HDAC9: variants seen among roughly 807,000 people sequenced by gnomAD.
HDAC9 encodes the protein MEF-2 interacting transcription repressor (MITR) protein.
A neutral mutation model predicts 139.4 loss-of-function variants in HDAC9; 41 were observed. The observed-to-expected ratio is 0.29, with a 90% CI of 0.23 to 0.38. HDAC9 has a LOEUF of 0.38. Among genes scored for constraint, HDAC9 ranks in the 10% least tolerant of loss-of-function variants. HDAC9 has a pLI of 1.00. For synonymous variants in HDAC9, 517 were observed against 476.2 expected, an observed-to-expected ratio of 1.09 and a Z score of -1.12; for missense variants, 1,147 against 1,297.0, an observed-to-expected ratio of 0.88 and a Z score of 1.78.
chr7:18,379,008 A>G (rs1308873177), intron 1 of HDAC9, among the ~76,000 whole-genome samples: 2 of 152,172 alleles, frequency 1.3e-5, no homozygotes, highest in East Asian at 1.9e-4. Flanking sequence ...GAAGATTTAT[A>G]CCTAAAAAAA....
At chr7:18,180,943 A>T (rs1789372880) in intron 2 of HDAC9, among the ~76,000 whole-genome samples, 2 of 151,746 alleles carry the variant, frequency 1.3e-5, no homozygotes, top group Non-Finnish European at 2.9e-5. Flanking sequence ...TGACTGTATC[A>T]CTCCAGTCTT....
At chr7:18,928,384 T>C (rs1804422534) in intron 22 of HDAC9, among the ~76,000 whole-genome samples, 1 of 152,250 alleles carries the variant, frequency 6.6e-6, no homozygotes. Context: ...GTTCTCCTTT[T>C]GGCTTTATGT....
At chr7:18,933,251 C>G (rs982212937) in intron 22 of HDAC9, among the ~76,000 whole-genome samples, 37 of 152,096 alleles carry the variant, frequency 2.4e-4, no homozygotes, top group African/African-American at 7.7e-4. Context: ...TAAAGACTGC[C>G]AAGTAAAGAC....
chr7:18,189,290 C>T (rs140284355), intron 2 of HDAC9, among the ~76,000 whole-genome samples: 171 of 147,152 alleles, frequency 1.2e-3, no homozygotes, highest in Non-Finnish European at 4.6e-4. Context: ...AGGAGTTGAA[C>T]ATTGAGAACA....
chr7:18,629,534 A>AG, intron 7 of HDAC9, 53 bp downstream of exon 7: 1 of 1,507,656 alleles, frequency 6.6e-7, no homozygotes, highest in Non-Finnish European at 9.0e-7. Context: ...ATGAAAAAAA[A>AG]ATAGTTTAGA....
At chr7:18,875,186 T>C (rs961034967) in intron 22 of HDAC9, among the ~76,000 whole-genome samples, 1 of 152,134 alleles carries the variant, frequency 6.6e-6, no homozygotes, top group Non-Finnish European at 1.5e-5. Context: ...ACAGTGCATT[T>C]GAATAATACA....
At chr7:18,839,099 T>G (rs1015328076) in intron 21 of HDAC9, among the ~76,000 whole-genome samples, 1 of 152,080 alleles carries the variant, frequency 6.6e-6, no homozygotes, top group African/African-American at 2.4e-5. Flanking sequence ...CTTAAGATTC[T>G]TCACGAGAAT....
rs539851175 is a variant in HDAC9, at chr7:18,422,504, T to G, written c.-41-73758T>G. 3.9e-5 allele frequency among the ~76,000 whole-genome samples: 6 copies of G among 152,268 alleles called. No homozygotes were observed. In the South Asian group the frequency reaches 1.2e-3, roughly 32 times the overall value. Reference sequence around the variant, plus strand: ...CTAATCTATTCCACTTTGCCCAGTTTCTGTCCATGGACTAATAGTGGTGGT... The same window carrying G: ...CTAATCTATTCCACTTTGCCCAGTTGCTGTCCATGGACTAATAGTGGTGGT... On this transcript the variant is annotated intron_variant, in intron 1 of 3. Coordinates refer to the HDAC9 transcript ENST00000413509.
intron 24 of HDAC9, among the ~76,000 whole-genome samples, chr7:18,969,011 G>T (rs1784079478): frequency 7.1e-6 from 1 of 141,454 alleles, no homozygotes; most frequent in Admixed American, 7.1e-5. Flanking sequence ...AATAAAGGAG[G>T]ATAAAGTGGC....
At chr7:18,599,530 A>C (rs1246711783) in intron 6 of HDAC9, among the ~76,000 whole-genome samples, 1 of 152,158 alleles carries the variant, frequency 6.6e-6, no homozygotes, top group Non-Finnish European at 1.5e-5. Context: ...TGCCTTCTGC[A>C]GAATGTCATA....
At chr7:18,802,658 T>C (rs1034831111) in intron 17 of HDAC9, among the ~76,000 whole-genome samples, 10 of 151,870 alleles carry the variant, frequency 6.6e-5, no homozygotes, top group African/African-American at 2.2e-4. Context: ...GAACTGTTAA[T>C]TTTTGCTTTA....
At chr7:18,878,908 C>T (rs1185961828) in intron 22 of HDAC9, among the ~76,000 whole-genome samples, 1 of 152,152 alleles carries the variant, frequency 6.6e-6, no homozygotes, top group Non-Finnish European at 1.5e-5. Context: ...AGTTAGAAAA[C>T]CCCACAGTCT....
At chr7:18,541,690 T>C (rs1019339511) in intron 2 of HDAC9, among the ~76,000 whole-genome samples, 6 of 152,184 alleles carry the variant, frequency 3.9e-5, no homozygotes, top group African/African-American at 1.4e-4. Context: ...GTGACTGAAA[T>C]ACAAGGGCCC....
chr7:18,697,288 T>A, intron 12 of HDAC9, among the ~76,000 whole-genome samples: 1 of 152,182 alleles, frequency 6.6e-6, no homozygotes, highest in East Asian at 1.9e-4. Context: ...CATTTTAAAA[T>A]GGCCTATGTG....
At chr7:18,475,151 A>T (rs1291493563) in intron 1 of HDAC9, among the ~76,000 whole-genome samples, 1 of 152,192 alleles carries the variant, frequency 6.6e-6, no homozygotes, top group Non-Finnish European at 1.5e-5. Context: ...TGTGGTGGTC[A>T]GTGACCAGAC....
intron 2 of HDAC9, among the ~76,000 whole-genome samples, chr7:18,255,550 A>G (rs1251270002): frequency 6.6e-6 from 1 of 152,000 alleles, no homozygotes; most frequent in Non-Finnish European, 1.5e-5. Flanking sequence ...CAGACTGTGG[A>G]TAACCTTAAA....
chr7:18,810,323 A>T (rs983895105), intron 17 of HDAC9, among the ~76,000 whole-genome samples: 3 of 151,954 alleles, frequency 2.0e-5, no homozygotes, highest in African/African-American at 7.2e-5. Context: ...TCTCAATCAC[A>T]TCTGCAAAGT....
At chr7:18,551,870 A>G (rs1235193566) in intron 2 of HDAC9, among the ~76,000 whole-genome samples, 1 of 152,192 alleles carries the variant, frequency 6.6e-6, no homozygotes, top group Admixed American at 6.5e-5. Flanking sequence ...GAAGGTAACC[A>G]CTACACTTAT....
chr7:18,087,714 C>G (rs1781884648), intron 1 of HDAC9, among the ~76,000 whole-genome samples: 1 of 152,080 alleles, frequency 6.6e-6, no homozygotes, highest in African/African-American at 2.4e-5. Context: ...AGTTCCTTGA[C>G]TAGTGGAAGG....
Sources: gnomAD v4.1 joint callset for allele counts (sites outside exome capture counted in the v4.1 genomes callset) on GRCh38, gnomAD v4.1.1 for gene constraint, MANE v1.5 for transcripts, NCBI Gene and HGNC (gene_info 2026-07-23, HGNC 2026-07-21) for gene names.